Variants in MDGA2 observed in about 807,000 individuals in gnomAD.
MDGA2 encodes the protein MAM domain-containing glycosylphosphatidylinositol anchor protein 2.
A neutral mutation model predicts 117.8 loss-of-function variants in MDGA2; 40 were observed. The observed-to-expected ratio is 0.34, with a 90% CI of 0.26 to 0.44. The LOEUF is 0.44. Ranked by LOEUF, MDGA2 falls within the 20% of genes least tolerant of loss-of-function variation. The probability of loss-of-function intolerance (pLI) is 1.00; values close to 1 mark genes in which losing one functional copy is unlikely to be tolerated. For synonymous variants in MDGA2, 452 were observed against 439.0 expected (o/e 1.03, Z -0.37); for missense variants, 1,123 against 1,250.6 (o/e 0.90, Z 1.54).
chr14:47,362,062 A>C (rs1418460578), intron 1 of MDGA2, among the ~76,000 whole-genome samples: 3 of 152,150 alleles, frequency 2.0e-5, no homozygotes, highest in African/African-American at 7.2e-5. Flanking sequence ...ATTTGCATAT[A>C]TATCACTCTT....
At chr14:47,206,243 A>G (rs1181035644) in intron 3 of MDGA2, among the ~76,000 whole-genome samples, 1 of 152,024 alleles carries the variant, frequency 6.6e-6, no homozygotes, top group Non-Finnish European at 1.5e-5. Flanking sequence ...TAAGAACACA[A>G]TGTTTAAGCA....
chr14:46,929,847 G>A (rs1884498475), intron 9 of MDGA2, among the ~76,000 whole-genome samples: 1 of 149,752 alleles, frequency 6.7e-6, no homozygotes, highest in Non-Finnish European at 1.5e-5. Flanking sequence ...ACGTTGGCCA[G>A]GCTGGTCTGG....
intron 1 of MDGA2, among the ~76,000 whole-genome samples, chr14:47,561,947 A>G (rs922793531): frequency 6.6e-6 from 1 of 152,162 alleles, no homozygotes; most frequent in Non-Finnish European, 1.5e-5. Context: ...GAGATGTTGA[A>G]ATTTACCAAA....
intron 1 of MDGA2, among the ~76,000 whole-genome samples, chr14:47,518,577 C>T (rs943855840): frequency 4.6e-5 from 7 of 152,110 alleles, no homozygotes; most frequent in African/African-American, 1.7e-4. Flanking sequence ...TGCCAAAAAA[C>T]ATTTTGTTAT....
At chr14:47,156,493 C>T (rs976462278) in intron 3 of MDGA2, among the ~76,000 whole-genome samples, 11 of 152,138 alleles carry the variant, frequency 7.2e-5, no homozygotes, top group African/African-American at 2.7e-4. Flanking sequence ...CCAACATGCA[C>T]TGGTGCAATT....
intron 1 of MDGA2, among the ~76,000 whole-genome samples, chr14:47,341,347 T>C (rs1235117342): frequency 1.3e-5 from 2 of 152,184 alleles, no homozygotes; most frequent in Non-Finnish European, 2.9e-5. Flanking sequence ...ATAAGCTGAT[T>C]TTACACATGT....
rs770768453 is a variant in MDGA2 at position 47,269,638 on chromosome 14, GTA to G, written c.420+31771_420+31772del. 2.2e-4 allele frequency among the ~76,000 whole-genome samples: 33 copies of G among 152,240 alleles called. No homozygotes were observed. The East Asian group carries it at 5.4e-3, about 25-fold the overall frequency. ...TGATCCTTGCTTCATTAAAGTATCA[GTA>G]AAGTATATGACAGACTCTAGAATTT... On this transcript the variant is annotated intron_variant, in intron 2 of 16. Transcript: ENST00000399232.
At chr14:47,218,436 T>G (rs1886181290) in intron 2 of MDGA2, among the ~76,000 whole-genome samples, 1 of 152,160 alleles carries the variant, frequency 6.6e-6, no homozygotes, top group Non-Finnish European at 1.5e-5. Flanking sequence ...AATTGCCTAG[T>G]CAGTGTGGAG....
intron 1 of MDGA2, among the ~76,000 whole-genome samples, chr14:47,545,445 TGA>T (rs1397525292): frequency 1.3e-5 from 2 of 152,160 alleles, no homozygotes; most frequent in African/African-American, 2.4e-5. Context: ...AGGGATCATG[TGA>T]GAGAGGTAGA....
rs147650527 is a variant in MDGA2 at position 47,455,234 on chromosome 14, G to A, written c.281-153684C>T. Among the ~76,000 whole-genome samples, 280 of 152,220 alleles carry A rather than the reference G, an allele frequency of 1.8e-3. 3 individuals are homozygous for A. The highest frequency in any genetic ancestry group is 6.3e-3 in the African/African-American group (261 of 41,534). On this transcript the variant is annotated intron_variant, in intron 1 of 16. Transcript: ENST00000399232. ...TTAAGAATGCATTGCAGTCGGGTGC[G>A]GTGGCTCACGCCTATAATCCCAGCA...
chr14:47,592,909 C>CT (rs924819215), intron 1 of MDGA2, among the ~76,000 whole-genome samples: 1 of 152,140 alleles, frequency 6.6e-6, no homozygotes, highest in African/African-American at 2.4e-5. Flanking sequence ...AACTAAAGAA[C>CT]TTCTGCACAG....
intron 1 of MDGA2, among the ~76,000 whole-genome samples, chr14:47,632,707 A>G (rs1184673684): frequency 1.3e-5 from 2 of 152,040 alleles, no homozygotes; most frequent in Non-Finnish European, 2.9e-5. Context: ...TGAGTTTGTC[A>G]TGCTCTTTCT....
intron 1 of MDGA2, among the ~76,000 whole-genome samples, chr14:47,617,078 A>T (rs1896959847): frequency 6.6e-6 from 1 of 152,232 alleles, no homozygotes; most frequent in Admixed American, 6.5e-5. Context: ...GTTACTAAAT[A>T]AAGAACTTTA....
rs533411235 is a variant in MDGA2 at position 47,374,776 on chromosome 14, T to C, written c.281-73226A>G. ...ATTTAGAATTAGAAATATGTGATCC[T>C]TTCTGTTCCAATCTAGTATTTGTAA... is the stretch of plus-strand genomic sequence containing the variant. On this transcript the variant is annotated intron_variant, in intron 1 of 16. Coordinates refer to ENST00000399232, the MANE Select transcript of MDGA2 (RefSeq NM_001113498.3). Among the ~76,000 whole-genome samples the C allele has an allele frequency of 1.1e-4, 16 of 152,194 alleles. No individual in the cohort carries two copies. In the South Asian group the frequency reaches 3.1e-3, roughly 30 times the overall value.
At chr14:46,903,154 T>C (rs75376522) in intron 10 of MDGA2, among the ~76,000 whole-genome samples, 5,624 of 152,290 alleles carry the variant, frequency 0.037, 379 homozygotes, top group African/African-American at 0.13. Flanking sequence ...GTTTTGTTTT[T>C]TTCTTTTCGT....
Position 47,144,085 on chromosome 14 carries a change from A to T in MDGA2, c.785T>A (p.Phe262Tyr). The change falls in exon 4 of 17, where the codon TTT becomes TAT. Residue 262 changes from phenylalanine to tyrosine, a missense_variant. Phe to Tyr is a conservative substitution (Grantham distance 22). Around this residue, in one of 2 missense-constraint regions of MDGA2, gnomAD observed 890 missense variants for 1,050.3 expected, o/e 0.85. Coordinates refer to ENST00000399232, the MANE Select transcript of MDGA2 (RefSeq NM_001113498.3). Reference protein sequence around the residue: ...DKGVEIYEPFFTQGETKILKL... With the variant: ...DKGVEIYEPFYTQGETKILKL... Reference sequence around the variant, plus strand: ...CTGTACCTTAATTCATACCTGGGTAAAGAATGGTTCATAAATCTCAACTCC... The same window carrying T: ...CTGTACCTTAATTCATACCTGGGTATAGAATGGTTCATAAATCTCAACTCC... The T allele has an allele frequency of 6.5e-7, 1 of 1,548,390 alleles. No individual in the cohort carries two copies. Among genetic ancestry groups the T allele is most frequent in the East Asian group, 2.5e-5 (1 of 40,794 alleles).
chr14:47,396,460 A>C (rs556020380), intron 1 of MDGA2, among the ~76,000 whole-genome samples: 5 of 152,310 alleles, frequency 3.3e-5, no homozygotes, highest in South Asian at 2.1e-4. Flanking sequence ...ACCAAAAGCA[A>C]GGGCAACAAA....
At chr14:47,299,863 A>G (rs1889215601) in intron 2 of MDGA2, among the ~76,000 whole-genome samples, 1 of 152,140 alleles carries the variant, frequency 6.6e-6, no homozygotes, top group South Asian at 2.1e-4. Context: ...ATTTTCAGTT[A>G]ATAGCAAATG....
At chr14:47,460,421 A>T (rs983942277) in intron 1 of MDGA2, among the ~76,000 whole-genome samples, 1 of 152,296 alleles carries the variant, frequency 6.6e-6, no homozygotes, top group Admixed American at 6.5e-5. Context: ...ACTGTATTAC[A>T]ACATTTACAA....
Sources: gnomAD v4.1 joint callset for allele counts (sites outside exome capture counted in the v4.1 genomes callset) on GRCh38, gnomAD v4.1.1 for gene constraint, gnomAD v4.1.1 regional missense constraint, MANE v1.5 for transcripts, NCBI Gene and HGNC (gene_info 2026-07-23, HGNC 2026-07-21) for gene names.